SLMAP: variants seen among roughly 807,000 people sequenced by gnomAD.
The protein encoded by SLMAP is sarcolemma associated protein.
Under a neutral mutation model 128.8 loss-of-function variants are expected in SLMAP, and 44 were observed. The observed-to-expected ratio is 0.34, with a 90% CI of 0.27 to 0.44. SLMAP has a LOEUF of 0.44. Ranked by LOEUF, SLMAP falls within the 20% of genes least tolerant of loss-of-function variation. The probability of loss-of-function intolerance (pLI) is 1.00; values close to 1 mark genes in which losing one functional copy is unlikely to be tolerated. For synonymous variants in SLMAP, 327 were observed against 348.8 expected (o/e 0.94, Z 0.70); for missense variants, 787 against 985.3 (o/e 0.80, Z 2.69).
At chr3:57,845,178 A>C (rs2094183744) in intron 4 of SLMAP, among the ~76,000 whole-genome samples, 1 of 152,222 alleles carries the variant, frequency 6.6e-6, no homozygotes, top group African/African-American at 2.4e-5. Flanking sequence ...AAAGTTATAC[A>C]TAATTTTAAA....
chr3:57,881,977 A>G (rs2095756098), intron 14 of SLMAP, among the ~76,000 whole-genome samples: 1 of 152,170 alleles, frequency 6.6e-6, no homozygotes, highest in African/African-American at 2.4e-5. Context: ...ACAGTACTCC[A>G]GCCTGGTCAA....
chr3:57,872,814 G>C (rs1488529142), intron 14 of SLMAP, among the ~76,000 whole-genome samples: 1 of 152,184 alleles, frequency 6.6e-6, no homozygotes, highest in East Asian at 1.9e-4. Flanking sequence ...GTAAAGATTT[G>C]TTGATAATGT....
intron 3 of SLMAP, among the ~76,000 whole-genome samples, chr3:57,833,797 A>C (rs2093478926): frequency 6.6e-6 from 1 of 152,130 alleles, no homozygotes; most frequent in Non-Finnish European, 1.5e-5. Flanking sequence ...ATTTAAAAAA[A>C]AAAAAACTTG....
At chr3:57,879,768 C>T (rs2095684781) in intron 14 of SLMAP, among the ~76,000 whole-genome samples, 1 of 151,878 alleles carries the variant, frequency 6.6e-6, no homozygotes, top group East Asian at 1.9e-4. Flanking sequence ...TAGTGAAACC[C>T]CATCTGTACT....
chr3:57,872,487 C>T (rs922029790), intron 14 of SLMAP, among the ~76,000 whole-genome samples: 1 of 151,986 alleles, frequency 6.6e-6, no homozygotes, highest in Non-Finnish European at 1.5e-5. Context: ...GGTGTGGTGG[C>T]AGGCGCCTAT....
chr3:57,765,343 G>A (rs2153434786), intron 2 of SLMAP, among the ~76,000 whole-genome samples: 1 of 152,282 alleles, frequency 6.6e-6, no homozygotes, highest in African/African-American at 2.4e-5. Flanking sequence ...CAAGGCTATA[G>A]TGCACTATGA....
At chr3:57,862,473 A>G (rs1179205962) in intron 10 of SLMAP, among the ~76,000 whole-genome samples, 11 of 151,374 alleles carry the variant, frequency 7.3e-5, no homozygotes, top group Admixed American at 7.2e-4. Flanking sequence ...CCCCGTCTCT[A>G]CTAAAAATAC....
chr3:57,907,028 G>T (rs903413347), intron 17 of SLMAP, among the ~76,000 whole-genome samples: 20 of 146,632 alleles, frequency 1.4e-4, no homozygotes, highest in African/African-American at 4.7e-4. Context: ...TGTTGTTGCG[G>T]TTTTTTTTTT....
In SLMAP at chr3:57,841,268, T is replaced by G. The variant is rs536488256; in HGVS notation, c.347-31T>G. 3.0e-6 allele frequency: 4 copies of G among 1,331,296 alleles called. No individual in the cohort carries two copies. The South Asian group carries it at 5.0e-5, about 17-fold the overall frequency. The allele number at this position is 1,331,296 out of a possible 1,614,324, so 82.5% of individuals were successfully genotyped here. A position where few individuals can be genotyped will look rare whatever the true frequency, so the allele number is the denominator to read the frequency against. ...AAGTTTTATATTTTTAAACAATTAT[T>G]TCATCCATATTATTTGTTTGTTTCA... On this transcript the variant is annotated intron_variant, in intron 3 of 24. Transcript: ENST00000671191.
chr3:57,837,014 CA>C (rs2093670122), intron 3 of SLMAP, among the ~76,000 whole-genome samples: 1 of 152,202 alleles, frequency 6.6e-6, no homozygotes, highest in African/African-American at 2.4e-5. Context: ...CTCCTGTGAA[CA>C]AAGGGCCTAT....
At chr3:57,767,539 C>T (rs958374260) in intron 2 of SLMAP, among the ~76,000 whole-genome samples, 20 of 152,264 alleles carry the variant, frequency 1.3e-4, no homozygotes, top group Middle Eastern at 3.4e-3. Flanking sequence ...AGATCCAAAT[C>T]TTGTGATTGG....
At chr3:57,762,849 G>A (rs2078967250) in intron 2 of SLMAP, among the ~76,000 whole-genome samples, 1 of 151,362 alleles carries the variant, frequency 6.6e-6, no homozygotes, top group South Asian at 2.1e-4. Context: ...CCAAGTAGCT[G>A]GGATTACAGG....
chr3:57,766,565 A>G (rs542601558), intron 2 of SLMAP, among the ~76,000 whole-genome samples: 2 of 152,300 alleles, frequency 1.3e-5, no homozygotes, highest in South Asian at 2.1e-4. Context: ...TACTGACACT[A>G]TATAGGTAGA....
At chr3:57,845,433 G>A (rs551262330) in intron 4 of SLMAP, among the ~76,000 whole-genome samples, 1 of 152,330 alleles carries the variant, frequency 6.6e-6, no homozygotes, top group African/African-American at 2.4e-5. Context: ...AGTTCTTACA[G>A]TGTTTGCAGT....
intron 3 of SLMAP, among the ~76,000 whole-genome samples, chr3:57,838,899 A>G (rs1028097764): frequency 7.9e-5 from 12 of 152,190 alleles, no homozygotes; most frequent in African/African-American, 2.7e-4. Context: ...GTTCATGGCC[A>G]TGGTTATTGT....
chr3:57,863,775 T>G (rs2095201633), intron 10 of SLMAP, among the ~76,000 whole-genome samples: 1 of 152,194 alleles, frequency 6.6e-6, no homozygotes. Context: ...GGATCAAATT[T>G]CAACATTGAG....
At chr3:57,817,507 T>G (rs1367293221) in intron 2 of SLMAP, among the ~76,000 whole-genome samples, 1 of 152,226 alleles carries the variant, frequency 6.6e-6, no homozygotes, top group African/African-American at 2.4e-5. Flanking sequence ...ATTTGGTTCC[T>G]GCTCAGAAGG....
chr3:57,804,198 A>T (rs1012861370), intron 2 of SLMAP, among the ~76,000 whole-genome samples: 2 of 152,114 alleles, frequency 1.3e-5, no homozygotes, highest in Non-Finnish European at 2.9e-5. Context: ...AACATCAAAG[A>T]TTATTTCCAT....
At chr3:57,869,737 A>T (rs1408484790) in intron 13 of SLMAP, among the ~76,000 whole-genome samples, 1 of 148,344 alleles carries the variant, frequency 6.7e-6, no homozygotes, top group African/African-American at 2.5e-5. Context: ...AATAAATATT[A>T]AAATGATTAA....
Sources: allele counts gnomAD v4.1 joint callset (sites outside exome capture counted in the v4.1 genomes callset), GRCh38; gene constraint gnomAD v4.1.1; transcripts MANE v1.5; gene names NCBI Gene and HGNC (gene_info 2026-07-23, HGNC 2026-07-21).